Variants in ZBTB8A observed in about 807,000 individuals in gnomAD.
ZBTB8A encodes zinc finger and BTB domain-containing protein 8A.
Under a neutral mutation model 37.8 loss-of-function variants are expected in ZBTB8A, and 19 were observed. That is an observed-to-expected ratio of 0.50 (90% CI 0.35 to 0.74). The LOEUF (loss-of-function observed/expected upper bound fraction) is 0.74, where lower values mean the gene tolerates loss of function less well. ZBTB8A is among the 30% of genes least tolerant of loss of function. The pLI, the probability that ZBTB8A is intolerant of heterozygous loss-of-function variation, is 0.01. For missense variants in ZBTB8A, 394 were observed against 537.8 expected, an observed-to-expected ratio of 0.73 and a Z score of 2.65; for synonymous variants, 181 against 185.2, an observed-to-expected ratio of 0.98 and a Z score of 0.19.
chr1:32,553,989 C>G (rs1490080587), intron 2 of ZBTB8A, among the ~76,000 whole-genome samples: 1 of 151,526 alleles, frequency 6.6e-6, no homozygotes, highest in Non-Finnish European at 1.5e-5. Flanking sequence ...CACCTGAAGT[C>G]TGGAGTTTGA....
intron 3 of ZBTB8A, among the ~76,000 whole-genome samples, chr1:32,594,418 T>C (rs1557717910): frequency 1.3e-5 from 2 of 152,014 alleles, no homozygotes; most frequent in African/African-American, 4.8e-5. Context: ...TCACTTTAAA[T>C]AGTTTTTTTT....
intron 4 of ZBTB8A, among the ~76,000 whole-genome samples, chr1:32,597,270 C>T (rs577856811): frequency 6.6e-6 from 1 of 152,290 alleles, no homozygotes; most frequent in Non-Finnish European, 1.5e-5. Context: ...ACTGGGATTA[C>T]AGGCGTGAGC....
In ZBTB8A at chr1:32,588,687, C is replaced by G. The variant is rs183911840; in HGVS notation, c.-1-4244C>G. On this transcript the variant is annotated intron_variant, in intron 2 of 4. Coordinates refer to ENST00000373510, the MANE Select transcript of ZBTB8A (RefSeq NM_001040441.3). ...TGACAACATGTGAGTTACTAATAAC[C>G]ATAAAAATGGTTTTGGCCAGGCCCG... Among the ~76,000 whole-genome samples, 76 of 151,846 alleles carry G rather than the reference C, an allele frequency of 5.0e-4. 1 individual carries two copies. Among genetic ancestry groups the G allele is most frequent in the African/African-American group, 1.8e-3 (74 of 41,378 alleles).
intron 2 of ZBTB8A, among the ~76,000 whole-genome samples, chr1:32,591,563 AC>A (rs1446998018): frequency 6.6e-6 from 1 of 152,008 alleles, no homozygotes; most frequent in East Asian, 1.9e-4. Context: ...ACTGAAAACA[AC>A]ATGAAGGCAA....
chr1:32,556,057 T>A (rs1364079637), intron 2 of ZBTB8A, among the ~76,000 whole-genome samples: 3 of 149,524 alleles, frequency 2.0e-5, no homozygotes, highest in Non-Finnish European at 4.5e-5. Context: ...TACAGGCACA[T>A]GCAATTTTTT....
Position 32,586,355 on chromosome 1 carries a change from T to G in ZBTB8A, c.-1-6576T>G, listed in dbSNP as rs542554406. Among the ~76,000 whole-genome samples, 6 of 152,254 alleles carry G rather than the reference T, an allele frequency of 3.9e-5. No homozygotes were observed. In the East Asian group the frequency reaches 1.2e-3, roughly 29 times the overall value. ...ACTATTTCCTTATGTGTTTTAACAT[T>G]TTTGAATCATTCATTCAACAGCATT... On this transcript the variant is annotated intron_variant, in intron 2 of 4. Transcript: ENST00000373510.
intron 1 of ZBTB8A, among the ~76,000 whole-genome samples, chr1:32,550,814 G>A (rs182688237): frequency 1.7e-3 from 257 of 151,790 alleles, no homozygotes; most frequent in African/African-American, 6.1e-3. Flanking sequence ...AAAATTAGGC[G>A]GGTGTGGTGG....
intron 1 of ZBTB8A, among the ~76,000 whole-genome samples, chr1:32,549,160 C>T (rs1228174220): frequency 9.2e-5 from 14 of 151,820 alleles, no homozygotes; most frequent in Admixed American, 8.5e-4. Context: ...TGCACTGCAA[C>T]CTGGAGGGCA....
chr1:32,574,343 G>A (rs1216940694), intron 2 of ZBTB8A, among the ~76,000 whole-genome samples: 1 of 151,930 alleles, frequency 6.6e-6, no homozygotes, highest in Non-Finnish European at 1.5e-5. Context: ...GGTGGCTTAC[G>A]CCTGTAATCC....
At chr1:32,588,357 G>A (rs1644463956) in intron 2 of ZBTB8A, among the ~76,000 whole-genome samples, 2 of 152,010 alleles carry the variant, frequency 1.3e-5, no homozygotes, top group Admixed American at 1.3e-4. Context: ...CAACTCGCTG[G>A]TGTCGGTGCA....
chr1:32,590,376 AC>A (rs1644479278), intron 2 of ZBTB8A, among the ~76,000 whole-genome samples: 2 of 151,884 alleles, frequency 1.3e-5, no homozygotes, highest in Non-Finnish European at 2.9e-5. Flanking sequence ...GCAAAGACAA[AC>A]TTTTTTACCT....
In ZBTB8A at chr1:32,603,250, C is replaced by T. The variant is rs898733587; in HGVS notation, c.*2831C>T. 2.6e-5 allele frequency: 4 copies of T among 152,524 alleles called. No homozygotes were observed. Among genetic ancestry groups the T allele is most frequent in the Non-Finnish European group, 4.4e-5 (3 of 68,310 alleles). 9.4% of individuals were successfully genotyped at this position (152,524 alleles called of 1,614,324 possible). A position where few individuals can be genotyped will look rare whatever the true frequency, so the allele number is the denominator to read the frequency against. On this transcript the variant is annotated 3_prime_UTR_variant, in exon 5 of 5. Transcript: ENST00000373510. Reference sequence around the variant, plus strand: ...GTTCAAGCGATTCTCCTGCCTCAGCCTCCTGAGTAGCCGGGACTACAGGCA... The same window carrying T: ...GTTCAAGCGATTCTCCTGCCTCAGCTTCCTGAGTAGCCGGGACTACAGGCA...
intron 2 of ZBTB8A, among the ~76,000 whole-genome samples, chr1:32,570,325 A>G (rs1644314804): frequency 6.6e-6 from 1 of 152,204 alleles, no homozygotes; most frequent in Non-Finnish European, 1.5e-5. Context: ...CCATAGTTAT[A>G]GTAAGTCTTG....
intron 2 of ZBTB8A, among the ~76,000 whole-genome samples, chr1:32,582,362 A>G (rs375173279): frequency 3.3e-5 from 5 of 152,170 alleles, no homozygotes; most frequent in Admixed American, 6.6e-5. Flanking sequence ...AGGATACTCA[A>G]CCTGGCTGGG....
intron 2 of ZBTB8A, among the ~76,000 whole-genome samples, chr1:32,559,542 C>G (rs1401454548): frequency 1.3e-5 from 2 of 152,080 alleles, no homozygotes; most frequent in African/African-American, 4.8e-5. Context: ...CGGCTCGCTG[C>G]AGCCTCAACC....
At chr1:32,557,647 T>G (rs1644213159) in intron 2 of ZBTB8A, among the ~76,000 whole-genome samples, 1 of 151,912 alleles carries the variant, frequency 6.6e-6, no homozygotes, top group Non-Finnish European at 1.5e-5. Flanking sequence ...TTTTTTTTTG[T>G]AGAGATGAGG....
Position 32,563,931 on chromosome 1 carries a change from C to T in ZBTB8A, c.-2+10391C>T, listed in dbSNP as rs548697491. Among the ~76,000 whole-genome samples, 90 of 152,276 alleles carry T rather than the reference C, an allele frequency of 5.9e-4. 3 individuals carry two copies. The South Asian group carries it at 0.018, about 31-fold the overall frequency. On this transcript the variant is annotated intron_variant, in intron 2 of 4. Transcript: ENST00000373510. ...ACATTAAAGAGGATGGGGAGTACAT[C>T]TTGCTTCTTAATAATGTTATTGATA...
intron 2 of ZBTB8A, among the ~76,000 whole-genome samples, chr1:32,589,312 G>A (rs12760740): frequency 6.6e-6 from 1 of 151,914 alleles, no homozygotes; most frequent in Non-Finnish European, 1.5e-5. Context: ...GTGCAGTGGC[G>A]CAATCTCGGC....
At position 32,602,651 on chromosome 1, in the gene ZBTB8A, CGCCATTCTCCT is replaced by C. The variant is rs1251359354; in HGVS notation, c.*2236_*2246del. 6.6e-6 allele frequency: 1 copy of C among 151,658 alleles called. No individual in the cohort carries two copies. Among genetic ancestry groups the C allele is most frequent in the Non-Finnish European group, 1.5e-5 (1 of 67,942 alleles). The allele number at this position is 151,658 out of a possible 1,614,324, so 9.4% of individuals were successfully genotyped here. A position where few individuals can be genotyped will look rare whatever the true frequency, so the allele number is the denominator to read the frequency against. ...CTGCAAGCTCCACCTCCCGGGTTCT[CGCCATTCTCCT>C]GCCTCAGCCTCCCGAGTAGCTGGGA... On this transcript the variant is annotated 3_prime_UTR_variant, in exon 5 of 5. Transcript: ENST00000373510.
Sources: gnomAD v4.1 joint callset for allele counts (sites outside exome capture counted in the v4.1 genomes callset) on GRCh38, gnomAD v4.1.1 for gene constraint, MANE v1.5 for transcripts, NCBI Gene and HGNC (gene_info 2026-07-23, HGNC 2026-07-21) for gene names.